NDUFAF6: variants seen among roughly 807,000 people sequenced by gnomAD.
The protein encoded by NDUFAF6 is NADH:ubiquinone oxidoreductase complex assembly factor 6, also known as NADH dehydrogenase (ubiquinone) complex I, assembly factor 6.
NDUFAF6 carries 45 observed loss-of-function variants against 40.8 expected under a neutral mutation model. The ratio of observed to expected loss-of-function variants is 1.10; its 90% CI spans 0.87 to 1.42. NDUFAF6 has a LOEUF of 1.42. NDUFAF6 is among the 40% of genes most tolerant of loss of function. NDUFAF6 has a pLI of 0.00. For missense variants in NDUFAF6, 435 were observed against 418.5 expected, an observed-to-expected ratio of 1.04 and a Z score of -0.34; for synonymous variants, 185 against 155.9, an observed-to-expected ratio of 1.19 and a Z score of -1.39.
chr8:94,903,951 G>A (rs1818197556), intron 1 of NDUFAF6, among the ~76,000 whole-genome samples: 1 of 152,006 alleles, frequency 6.6e-6, no homozygotes, highest in African/African-American at 2.4e-5. Flanking sequence ...AGGGCAGAGG[G>A]ATCCTGTGGA....
intron 2 of NDUFAF6, among the ~76,000 whole-genome samples, chr8:95,088,394 C>T (rs1283631117): frequency 1.3e-5 from 2 of 152,212 alleles, no homozygotes; most frequent in African/African-American, 4.8e-5. Context: ...ACCTTCCCCA[C>T]GTTGAGCTAG....
At chr8:94,982,573 C>G (rs775779809) in intron 2 of NDUFAF6, among the ~76,000 whole-genome samples, 1 of 152,190 alleles carries the variant, frequency 6.6e-6, no homozygotes, top group Non-Finnish European at 1.5e-5. Context: ...ATCATGAAAC[C>G]CAACTCCTAT....
chr8:95,027,772 A>G (rs1828345115), intron 1 of NDUFAF6, among the ~76,000 whole-genome samples: 1 of 152,200 alleles, frequency 6.6e-6, no homozygotes, highest in Admixed American at 6.5e-5. Flanking sequence ...CTAATTGTCC[A>G]TCAATAATCT....
intron 4 of NDUFAF6, among the ~76,000 whole-genome samples, chr8:95,044,984 G>A (rs572052339): frequency 2.0e-5 from 3 of 152,164 alleles, no homozygotes; most frequent in East Asian, 1.9e-4. Flanking sequence ...TAGGGGATGA[G>A]GTGGGCACTG....
At chr8:94,945,349 T>C (rs747920040) in intron 1 of NDUFAF6, 5 of 152,242 alleles carry the variant, frequency 3.3e-5, no homozygotes, top group Non-Finnish European at 5.9e-5. Context: ...ATTGATTACA[T>C]GTTGAAAAAA....
chr8:95,027,055 A>T (rs1563800394), intron 1 of NDUFAF6, among the ~76,000 whole-genome samples: 1 of 152,232 alleles, frequency 6.6e-6, no homozygotes, highest in Non-Finnish European at 1.5e-5. Flanking sequence ...CAAAACAAAC[A>T]AACAAAAATA....
chr8:94,939,814 C>T, intron 1 of NDUFAF6: 1 of 1,571,884 alleles, frequency 6.4e-7, no homozygotes, highest in South Asian at 1.2e-5. Flanking sequence ...AGACAAAATG[C>T]ATGCTCAGTG....
intron 8 of NDUFAF6, among the ~76,000 whole-genome samples, chr8:95,056,607 T>C (rs1009844184): frequency 3.3e-5 from 5 of 151,804 alleles, no homozygotes; most frequent in African/African-American, 1.2e-4. Flanking sequence ...AAGTTTAGGG[T>C]TTTAAAAAGT....
chr8:94,995,632 CT>C (rs1210759463), intron 2 of NDUFAF6, among the ~76,000 whole-genome samples: 4 of 151,966 alleles, frequency 2.6e-5, no homozygotes, highest in Non-Finnish European at 1.5e-5. Flanking sequence ...TCTAAAAGCA[CT>C]GAGAAATCGC....
chr8:95,005,210 A>G (rs1826908770), intron 2 of NDUFAF6, among the ~76,000 whole-genome samples: 1 of 152,100 alleles, frequency 6.6e-6, no homozygotes, highest in Non-Finnish European at 1.5e-5. Context: ...CTGAGATGAT[A>G]TAGGCCGAAC....
intron 1 of NDUFAF6, among the ~76,000 whole-genome samples, chr8:94,964,303 C>A (rs780069510): frequency 6.6e-6 from 1 of 151,934 alleles, no homozygotes; most frequent in Non-Finnish European, 1.5e-5. Flanking sequence ...ATGGCACATG[C>A]CTGTAGTCCC....
intron 1 of NDUFAF6, among the ~76,000 whole-genome samples, chr8:94,925,549 C>CT (rs1287916481): frequency 0.047 from 6,385 of 135,402 alleles, 295 homozygotes; most frequent in African/African-American, 0.1. Flanking sequence ...AAAAGAAATC[C>CT]TTTTTTTTTT....
At chr8:94,976,752 G>A (rs1415236529) in intron 1 of NDUFAF6, among the ~76,000 whole-genome samples, 2 of 152,102 alleles carry the variant, frequency 1.3e-5, no homozygotes, top group African/African-American at 2.4e-5. Context: ...TGTTGTTTAT[G>A]TTGTTTAATG....
intron 2 of NDUFAF6, among the ~76,000 whole-genome samples, chr8:94,952,434 A>C (rs987471402): frequency 6.6e-6 from 1 of 152,190 alleles, no homozygotes; most frequent in Non-Finnish European, 1.5e-5. Context: ...ACCCATCAAC[A>C]GTTAGGATCT....
chr8:95,036,700 A>G (rs1398230821), intron 3 of NDUFAF6, among the ~76,000 whole-genome samples: 1 of 152,250 alleles, frequency 6.6e-6, no homozygotes, highest in Non-Finnish European at 1.5e-5. Flanking sequence ...GGAAGATTAG[A>G]GAGTCCTTTG....
intron 1 of NDUFAF6, among the ~76,000 whole-genome samples, chr8:94,960,637 A>G (rs1353028632): frequency 6.6e-6 from 1 of 152,198 alleles, no homozygotes; most frequent in Non-Finnish European, 1.5e-5. Context: ...TCTTCTTACC[A>G]ACCTTTCTGC....
At chr8:95,036,742 A>C (rs1447127645) in intron 3 of NDUFAF6, among the ~76,000 whole-genome samples, 1 of 152,244 alleles carries the variant, frequency 6.6e-6, no homozygotes, top group African/African-American at 2.4e-5. Context: ...GCTTCCCTTA[A>C]AAAACCAGAA....
upstream of NDUFAF6, among the ~76,000 whole-genome samples, chr8:95,098,503 T>G (rs1232705882): frequency 1.3e-5 from 2 of 152,146 alleles, no homozygotes; most frequent in Non-Finnish European, 2.9e-5. Context: ...CCGTCTCTAC[T>G]AAAAATACAA....
chr8:94,905,031 C>G (rs552775471), intron 1 of NDUFAF6, among the ~76,000 whole-genome samples: 1 of 152,144 alleles, frequency 6.6e-6, no homozygotes, highest in East Asian at 1.9e-4. Context: ...GAAACCCTGT[C>G]TCTACTAAAA....
Sources: allele counts gnomAD v4.1 joint callset (sites outside exome capture counted in the v4.1 genomes callset), GRCh38; gene constraint gnomAD v4.1.1; transcripts MANE v1.5; gene names NCBI Gene and HGNC (gene_info 2026-07-23, HGNC 2026-07-21).